KPNA3: variants seen among roughly 807,000 people sequenced by gnomAD.
KPNA3 encodes karyopherin subunit alpha 3.
KPNA3 carries 13 observed loss-of-function variants against 73.8 expected under a neutral mutation model. The observed-to-expected ratio is 0.18, with a 90% CI of 0.11 to 0.28. KPNA3 has a LOEUF of 0.28. Among genes scored for constraint, KPNA3 ranks in the 10% least tolerant of loss-of-function variants. The pLI is 1.00. For synonymous variants in KPNA3, 186 were observed against 206.9 expected, an observed-to-expected ratio of 0.90 and a Z score of 0.87; for missense variants, 360 against 618.1, an observed-to-expected ratio of 0.58 and a Z score of 4.43.
At chr13:49,733,926 C>A (rs1044542730) in intron 2 of KPNA3, among the ~76,000 whole-genome samples, 4 of 152,184 alleles carry the variant, frequency 2.6e-5, no homozygotes, top group African/African-American at 9.7e-5. Flanking sequence ...GGGAAGCCTG[C>A]AGAAAACAGT....
chr13:49,747,546 G>A (rs1463731168), intron 1 of KPNA3, among the ~76,000 whole-genome samples: 3 of 152,108 alleles, frequency 2.0e-5, no homozygotes, highest in African/African-American at 7.2e-5. Flanking sequence ...TTAGCTGGGT[G>A]CAGTAGCACG....
chr13:49,774,100 C>T (rs1885724), intron 1 of KPNA3, among the ~76,000 whole-genome samples: 111,061 of 151,076 alleles, frequency 0.74, 40,915 homozygotes, highest in East Asian at 0.85. Context: ...GGATGGGGTT[C>T]TGCCATATTG....
chr13:49,711,686 G>A (rs1426272427), intron 10 of KPNA3, among the ~76,000 whole-genome samples: 1 of 152,170 alleles, frequency 6.6e-6, no homozygotes, highest in Non-Finnish European at 1.5e-5. Context: ...CAAAGATCTT[G>A]TATGTGGCAT....
chr13:49,730,340 C>T (rs1954450649), intron 6 of KPNA3, among the ~76,000 whole-genome samples: 1 of 151,674 alleles, frequency 6.6e-6, no homozygotes, highest in South Asian at 2.1e-4. Flanking sequence ...CAAGACCAGC[C>T]TGGCCAACAT....
intron 1 of KPNA3, among the ~76,000 whole-genome samples, chr13:49,755,989 C>T (rs1466294716): frequency 6.6e-6 from 1 of 151,926 alleles, no homozygotes; most frequent in Non-Finnish European, 1.5e-5. Flanking sequence ...AAACAACAGC[C>T]GGGTGTGGTG....
intron 2 of KPNA3, among the ~76,000 whole-genome samples, chr13:49,746,064 GA>G (rs398022733): frequency 0.71 from 58,847 of 83,166 alleles, 18,845 homozygotes; most frequent in Non-Finnish European, 0.76. Context: ...CTCTGCATCA[GA>G]AAAAAAAAAA....
At chr13:49,766,905 TAAG>T (rs1256897285) in intron 1 of KPNA3, among the ~76,000 whole-genome samples, 1 of 150,562 alleles carries the variant, frequency 6.6e-6, no homozygotes, top group African/African-American at 2.4e-5. Flanking sequence ...TTTAAAAAAT[TAAG>T]AAGGGAGTGA....
At chr13:49,741,809 C>T (rs1017891242) in intron 2 of KPNA3, among the ~76,000 whole-genome samples, 4 of 152,166 alleles carry the variant, frequency 2.6e-5, no homozygotes, top group Admixed American at 1.3e-4. Context: ...ATATATAACC[C>T]CTTATCAGAT....
chr13:49,772,649 C>G (rs928150186), intron 1 of KPNA3, among the ~76,000 whole-genome samples: 40 of 151,972 alleles, frequency 2.6e-4, no homozygotes, highest in African/African-American at 9.4e-4. Context: ...CTAAAAATAC[C>G]AAAATTAGCA....
chr13:49,761,243 CCA>C (rs1197043063), intron 1 of KPNA3, among the ~76,000 whole-genome samples: 4 of 151,734 alleles, frequency 2.6e-5, no homozygotes, highest in Non-Finnish European at 4.4e-5. Flanking sequence ...CTCCCTCTCC[CCA>C]CAGTCTCCCT....
intron 1 of KPNA3, among the ~76,000 whole-genome samples, chr13:49,770,759 A>G (rs1171747713): frequency 4.9e-5 from 4 of 81,578 alleles, no homozygotes; most frequent in Non-Finnish European, 1.3e-4. Flanking sequence ...CCATTTGTTG[A>G]AAAAAAAAAA....
chr13:49,717,425 A>G (rs1954314071), intron 10 of KPNA3, among the ~76,000 whole-genome samples: 1 of 107,972 alleles, frequency 9.3e-6, no homozygotes. Flanking sequence ...GCAAGACTCC[A>G]TCTCGGAAAA....
chr13:49,722,830 TAAAAAA>T (rs10693298), intron 7 of KPNA3, among the ~76,000 whole-genome samples: 1 of 79,650 alleles, frequency 1.3e-5, no homozygotes, highest in Non-Finnish European at 2.4e-5. Flanking sequence ...TATAATCCAT[TAAAAAA>T]AAAAAAAAAA....
chr13:49,704,165 TA>T (rs1954177953), intron 15 of KPNA3, among the ~76,000 whole-genome samples: 1 of 152,188 alleles, frequency 6.6e-6, no homozygotes, highest in Non-Finnish European at 1.5e-5. Context: ...CTCACGCCTG[TA>T]ATCCCAGCAC....
At chr13:49,786,376 T>A (rs1813000903) in intron 1 of KPNA3, among the ~76,000 whole-genome samples, 1 of 152,266 alleles carries the variant, frequency 6.6e-6, no homozygotes. Flanking sequence ...CAGCAATTTA[T>A]CCCAAATAGG....
At position 49,792,424 on chromosome 13, in the gene KPNA3, G is replaced by C; in HGVS notation, c.69+14C>G. 6.4e-7 allele frequency: 1 copy of C among 1,555,218 alleles called. No individual in the cohort carries two copies. Among genetic ancestry groups the C allele is most frequent in the Non-Finnish European group, 8.7e-7 (1 of 1,152,602 alleles). ...GCGCGGCCAGGCGGGCCCAGACCGC[G>C]GAAGCACACTCACTTCCACATCGCG... On this transcript the variant is annotated intron_variant, in intron 1 of 16. Coordinates refer to ENST00000261667, the MANE Select transcript of KPNA3 (RefSeq NM_002267.4).
rs749279440 is a variant in KPNA3, at chr13:49,710,973, T to C, written c.821A>G (p.Asn274Ser). The C allele has an allele frequency of 6.2e-7, 1 of 1,613,676 alleles. No individual in the cohort carries two copies. The highest frequency in any genetic ancestry group is 8.5e-7 in the Non-Finnish European group (1 of 1,179,674). Residue 274 changes from asparagine to serine, a missense_variant, in exon 11 of 17, where the codon AAT (asparagine) becomes AGT (serine). By Grantham distance (46) the Asn-to-Ser change is conservative. This residue lies in a region of KPNA3 where 287 missense variants were observed against 549.1 expected (regional missense o/e 0.52). Coordinates refer to ENST00000261667, the MANE Select transcript of KPNA3 (RefSeq NM_002267.4). The stretch of plus-strand genomic sequence containing the variant: ...ATCAATAACCATCTGTATCTGTTCA[T>C]TACCTCCATCTGTCAAGTATGACAG... ...WALSYLTDGG[N>S]EQIQMVIDSG...
chr13:49,704,443 AAATAAATAAAT>A (rs1954185005), intron 15 of KPNA3, among the ~76,000 whole-genome samples: 1 of 6,188 alleles, frequency 1.6e-4, no homozygotes, highest in Non-Finnish European at 2.9e-4. Context: ...AAAAATAAAT[AAATAAATAAAT>A]AAATAAATAA....
At chr13:49,701,929 G>C in intron 16 of KPNA3, 31 bp from the exon 17 acceptor site, 1 of 1,409,266 alleles carries the variant, frequency 7.1e-7, no homozygotes, top group Non-Finnish European at 1.0e-6. Context: ...ATCCTTATTA[G>C]GTTATGATAC....
Sources: gnomAD v4.1 joint callset for allele counts (sites outside exome capture counted in the v4.1 genomes callset) on GRCh38, gnomAD v4.1.1 for gene constraint, gnomAD v4.1.1 regional missense constraint, MANE v1.5 for transcripts, NCBI Gene and HGNC (gene_info 2026-07-23, HGNC 2026-07-21) for gene names.